Variants in SAMD13 observed in about 807,000 individuals in gnomAD.
SAMD13 encodes sterile alpha motif domain-containing protein 13.
A neutral mutation model predicts 12.4 loss-of-function variants in SAMD13; 9 were observed. The ratio of observed to expected loss-of-function variants is 0.72; its 90% CI spans 0.44 to 1.26. The LOEUF (loss-of-function observed/expected upper bound fraction) is 1.26. Among genes scored for constraint, SAMD13 ranks in the 50% most tolerant of loss-of-function variants. The probability of loss-of-function intolerance (pLI) is 0.00; values close to 1 mark genes in which losing one functional copy is unlikely to be tolerated. For synonymous variants in SAMD13, 46 were observed against 45.4 expected, an observed-to-expected ratio of 1.01 and a Z score of -0.05; for missense variants, 84 against 119.6, an observed-to-expected ratio of 0.70 and a Z score of 1.39.
At chr1:84,341,749 G>T (rs981031357) in intron 3 of SAMD13, among the ~76,000 whole-genome samples, 1 of 152,092 alleles carries the variant, frequency 6.6e-6, no homozygotes, top group Non-Finnish European at 1.5e-5. Flanking sequence ...AATGAGGAGT[G>T]AGAGACAGAT....
chr1:84,317,247 T>C (rs1036436203), intron 2 of SAMD13, among the ~76,000 whole-genome samples: 1 of 152,134 alleles, frequency 6.6e-6, no homozygotes. Context: ...CTGTGTTGAA[T>C]AGAAGTGGCA....
At chr1:84,323,350 A>G (rs1678985375) in intron 2 of SAMD13, among the ~76,000 whole-genome samples, 1 of 152,154 alleles carries the variant, frequency 6.6e-6, no homozygotes, top group Non-Finnish European at 1.5e-5. Flanking sequence ...AATATTTAGT[A>G]ACATTAGGGT....
chr1:84,298,972 T>G (rs2101780706), upstream of SAMD13, among the ~76,000 whole-genome samples: 1 of 152,058 alleles, frequency 6.6e-6, no homozygotes, highest in East Asian at 1.9e-4. Flanking sequence ...CCAGAAACTT[T>G]CCCCGCTTTG....
chr1:84,301,350 T>C (rs1678451837), upstream of SAMD13, among the ~76,000 whole-genome samples: 1 of 152,176 alleles, frequency 6.6e-6, no homozygotes. Flanking sequence ...TTTTTCCCTC[T>C]GGGGAGAAAA....
At chr1:84,338,846 C>G (rs1679359430) in intron 3 of SAMD13, among the ~76,000 whole-genome samples, 1 of 152,162 alleles carries the variant, frequency 6.6e-6, no homozygotes, top group Admixed American at 6.5e-5. Context: ...CACTGGGCCC[C>G]TCCCACAACA....
chr1:84,311,810 A>T (rs1678719178), intron 2 of SAMD13, among the ~76,000 whole-genome samples: 1 of 152,258 alleles, frequency 6.6e-6, no homozygotes, highest in Admixed American at 6.5e-5. Context: ...CAGAGATAAA[A>T]GATTTGAAAA....
At chr1:84,338,432 CTTTTT>C (rs201864672) in intron 3 of SAMD13, among the ~76,000 whole-genome samples, 4 of 100,698 alleles carry the variant, frequency 4.0e-5, no homozygotes, top group Non-Finnish European at 7.7e-5. Flanking sequence ...ACTCATCTCT[CTTTTT>C]TTTTTTTTTT....
intron 2 of SAMD13, among the ~76,000 whole-genome samples, chr1:84,304,527 G>A (rs1036516426): frequency 6.6e-6 from 1 of 152,078 alleles, no homozygotes; most frequent in African/African-American, 2.4e-5. Flanking sequence ...TATAATCCTT[G>A]CATAATAAAT....
Position 84,350,794 on chromosome 1 carries a change from G to T in SAMD13, c.*1020G>T, listed in dbSNP as rs536335716. The T allele has an allele frequency of 6.6e-6, 1 of 152,670 alleles. No homozygotes were observed. Among genetic ancestry groups the T allele is most frequent in the East Asian group, 1.9e-4 (1 of 5,182 alleles). The allele number at this position is 152,670 out of a possible 1,614,324, so 9.5% of individuals were successfully genotyped here. A position where few individuals can be genotyped will look rare whatever the true frequency, so the allele number is the denominator to read the frequency against. ...GTGGTTGCAATAAAGCATTGCTTCA[G>T]TTTATTGCCAGTGTATCTTTGATCT... On this transcript the variant is annotated 3_prime_UTR_variant, in exon 4 of 4. Coordinates refer to ENST00000394834, the MANE Select transcript of SAMD13 (RefSeq NM_001134663.2).
rs55638637 is a variant in SAMD13 at position 84,325,691 on chromosome 1, C to T, written c.108C>T (p.Val36=). The T allele has an allele frequency of 0.034, 54,256 of 1,613,178 alleles. 1,234 individuals are homozygous for T. The highest frequency in any genetic ancestry group is 0.074 in the South Asian group (6,697 of 91,042). The stretch of plus-strand genomic sequence containing the variant: ...CTGCAGACTGGGCCGTGATGGATGT[C>T]GTCAATTATTTCCGAACCGTGGGAT... ...PDPADWAVMD[V]VNYFRTVGFE... The change falls in exon 3 of 4, where the codon GTC becomes GTT. Residue 36 remains valine, a synonymous_variant. Coordinates refer to ENST00000394834, the MANE Select transcript of SAMD13 (RefSeq NM_001134663.2).
At chr1:84,328,623 C>A (rs1679109888) in intron 3 of SAMD13, among the ~76,000 whole-genome samples, 1 of 152,130 alleles carries the variant, frequency 6.6e-6, no homozygotes, top group Non-Finnish European at 1.5e-5. Context: ...AGGATTGGAT[C>A]CTCTACCATG....
At chr1:84,318,701 A>T (rs984748065) in intron 2 of SAMD13, among the ~76,000 whole-genome samples, 1 of 152,140 alleles carries the variant, frequency 6.6e-6, no homozygotes, top group South Asian at 2.1e-4. Context: ...ATTAATAGTG[A>T]TACTTGTAAA....
chr1:84,310,086 C>A (rs967897717), intron 2 of SAMD13, among the ~76,000 whole-genome samples: 8 of 152,030 alleles, frequency 5.3e-5, no homozygotes, highest in African/African-American at 2.4e-5. Flanking sequence ...ATCTGAGCCG[C>A]ATATGTAATT....
chr1:84,328,890 G>A (rs1679116435), intron 3 of SAMD13, among the ~76,000 whole-genome samples: 1 of 152,146 alleles, frequency 6.6e-6, no homozygotes, highest in African/African-American at 2.4e-5. Flanking sequence ...GACAGAAGCA[G>A]GACAGGGATG....
At chr1:84,327,466 T>C (rs777187511) in intron 3 of SAMD13, among the ~76,000 whole-genome samples, 1 of 151,900 alleles carries the variant, frequency 6.6e-6, no homozygotes, top group Non-Finnish European at 1.5e-5. Context: ...GGAAGGAGTA[T>C]GAGGGAAATT....
chr1:84,335,308 T>G (rs1350407377), intron 3 of SAMD13, among the ~76,000 whole-genome samples: 3 of 152,136 alleles, frequency 2.0e-5, no homozygotes, highest in Non-Finnish European at 4.4e-5. Flanking sequence ...GCACTTGTCT[T>G]TTTTTTAAAA....
Position 84,313,182 on chromosome 1 carries a change from A to C in SAMD13, c.53+9895A>C, listed in dbSNP as rs530365785. 7.9e-5 allele frequency among the ~76,000 whole-genome samples: 12 copies of C among 152,308 alleles called. 1 individual carries two copies. In the East Asian group the frequency reaches 2.3e-3, roughly 29 times the overall value. ...CACAAGAATATATACATATATTCAC[A>C]TGCATTAAAGAATGTACATATATAT... On this transcript the variant is annotated intron_variant, in intron 2 of 3. Coordinates refer to ENST00000394834, the MANE Select transcript of SAMD13 (RefSeq NM_001134663.2).
chr1:84,302,749 T>C, intron 1 of SAMD13: 1 of 934,666 alleles, frequency 1.1e-6, no homozygotes, highest in South Asian at 4.9e-5. Flanking sequence ...AATGAAAAAA[T>C]CTAGGAGCAA....
intron 3 of SAMD13, chr1:84,345,048 G>A (rs146038379): frequency 2.2e-6 from 1 of 456,616 alleles, no homozygotes; most frequent in East Asian, 7.0e-5. Context: ...TCCCATATTG[G>A]ACACAGGATT....
Sources: gnomAD v4.1 joint callset for allele counts (sites outside exome capture counted in the v4.1 genomes callset) on GRCh38, gnomAD v4.1.1 for gene constraint, MANE v1.5 for transcripts, NCBI Gene and HGNC (gene_info 2026-07-23, HGNC 2026-07-21) for gene names.